Variants in INPP5D observed in about 807,000 individuals in gnomAD.
The protein encoded by INPP5D is phosphatidylinositol 3,4,5-trisphosphate 5-phosphatase 1.
In INPP5D, 33 loss-of-function variants were observed where a neutral mutation model predicts 122.9. The observed-to-expected ratio is 0.27, with a 90% CI of 0.20 to 0.36. INPP5D has a LOEUF of 0.36. INPP5D is among the 10% of genes least tolerant of loss of function. INPP5D has a pLI of 1.00. For missense variants in INPP5D, 1,053 were observed against 1,412.7 expected (o/e 0.75, Z 4.08); for synonymous variants, 584 against 576.2 (o/e 1.01, Z -0.19).
chr2:233,075,599 A>G (rs529162570), intron 1 of INPP5D, among the ~76,000 whole-genome samples: 41 of 150,956 alleles, frequency 2.7e-4, no homozygotes, highest in South Asian at 2.3e-3. Context: ...GCACATGTAT[A>G]TGTGTGTGTG....
At chr2:233,178,168 G>A (rs1307059171) in intron 18 of INPP5D, among the ~76,000 whole-genome samples, 7 of 152,072 alleles carry the variant, frequency 4.6e-5, no homozygotes, top group East Asian at 3.9e-4. Context: ...ACTGTGCCAC[G>A]TACCTATAGT....
intron 2 of INPP5D, among the ~76,000 whole-genome samples, chr2:233,093,136 CTT>C (rs1251801120): frequency 1.3e-5 from 2 of 152,204 alleles, no homozygotes; most frequent in Non-Finnish European, 2.9e-5. Flanking sequence ...GCATTCCTCT[CTT>C]GTCTAATCTT....
chr2:233,086,209 G>A (rs1044372336), intron 2 of INPP5D, among the ~76,000 whole-genome samples: 2 of 104,982 alleles, frequency 1.9e-5, no homozygotes, highest in East Asian at 2.7e-4. Flanking sequence ...ACAGAGTTTC[G>A]CTCTTGTTGC....
At chr2:233,130,350 G>T (rs1358406119) in intron 4 of INPP5D, among the ~76,000 whole-genome samples, 158 bp from the exon 5 acceptor site, 3 of 152,162 alleles carry the variant, frequency 2.0e-5, no homozygotes, top group African/African-American at 7.2e-5. Flanking sequence ...GTGAGACCAC[G>T]GGAACCTTCG....
intron 5 of INPP5D, among the ~76,000 whole-genome samples, chr2:233,139,455 ATT>A (rs1693586791): frequency 7.1e-6 from 1 of 140,470 alleles, no homozygotes; most frequent in Admixed American, 7.2e-5. Flanking sequence ...AGAAATTTGC[ATT>A]GTTAACACCT....
intron 2 of INPP5D, among the ~76,000 whole-genome samples, chr2:233,086,514 A>G (rs1691855878): frequency 6.6e-6 from 1 of 152,088 alleles, no homozygotes; most frequent in Admixed American, 6.6e-5. Flanking sequence ...AAGCTGCCAT[A>G]GGATGTGATA....
chr2:233,131,106 G>A (rs1471585428), intron 5 of INPP5D: 23 of 936,838 alleles, frequency 2.5e-5, no homozygotes, highest in Non-Finnish European at 2.8e-5. Flanking sequence ...ATTTTTCAAA[G>A]GGAGATGATT....
chr2:233,190,933 G>C (rs1437475634), intron 22 of INPP5D, among the ~76,000 whole-genome samples: 1 of 152,242 alleles, frequency 6.6e-6, no homozygotes, highest in Admixed American at 6.5e-5. Flanking sequence ...CAGTGATCAA[G>C]ACGACAGATG....
At chr2:233,079,534 A>ATGGACACCTG in intron 2 of INPP5D, 136 bp downstream of exon 2, 1 of 667,372 alleles carries the variant, frequency 1.5e-6, no homozygotes, top group Non-Finnish European at 2.7e-6. Flanking sequence ...GCTTCCTCCC[A>ATGGACACCTG]GGTGTCCATG....
At chr2:233,139,749 G>A (rs983424482) in intron 5 of INPP5D, 93 bp from the exon 6 acceptor site, 1 of 395,070 alleles carries the variant, frequency 2.5e-6, no homozygotes, top group Non-Finnish European at 4.5e-6. Flanking sequence ...TGGACTGAGG[G>A]TGCCCTCATC....
chr2:233,196,213 G>C (rs971992966), intron 24 of INPP5D, among the ~76,000 whole-genome samples: 2 of 152,190 alleles, frequency 1.3e-5, no homozygotes, highest in African/African-American at 4.8e-5. Flanking sequence ...CAGGACACAG[G>C]AGAAAGAAGC....
rs555522684 is a variant in INPP5D, at chr2:233,100,727, T to C, written c.198+21329T>C. On this transcript the variant is annotated intron_variant, in intron 2 of 26. Transcript: ENST00000445964. The surrounding 1 kb of genome is among the most constrained non-coding windows in gnomAD (Gnocchi z 5.3). Reference sequence around the variant, plus strand: ...TCAGAGCAGTGACTTTCAGTTCCTTTGCAGGTGTGACCTGTCTGCTCCTGT... The same window carrying C: ...TCAGAGCAGTGACTTTCAGTTCCTTCGCAGGTGTGACCTGTCTGCTCCTGT... 4.7e-4 allele frequency among the ~76,000 whole-genome samples: 72 copies of C among 152,344 alleles called. No homozygotes were observed. The highest frequency in any genetic ancestry group is 9.1e-4 in the Non-Finnish European group (62 of 68,032).
chr2:233,122,370 G>C, intron 3 of INPP5D, 113 bp downstream of exon 3: 1 of 1,158,964 alleles, frequency 8.6e-7, no homozygotes, highest in East Asian at 2.6e-5. Context: ...TTGTTGGCGT[G>C]GGGGTTAAGG....
intron 2 of INPP5D, among the ~76,000 whole-genome samples, chr2:233,104,957 A>G (rs984871578): frequency 6.6e-6 from 1 of 152,218 alleles, no homozygotes; most frequent in African/African-American, 2.4e-5. Context: ...CTGATCTCAC[A>G]GGAGCTGTGG....
intron 11 of INPP5D, among the ~76,000 whole-genome samples, chr2:233,162,252 A>G (rs145096292): frequency 0.018 from 1,254 of 69,994 alleles, 18 homozygotes; most frequent in African/African-American, 0.038. Flanking sequence ...AGACAGAGAG[A>G]TAGGTACGTA....
chr2:233,077,193 G>T (rs1412670624), intron 1 of INPP5D, among the ~76,000 whole-genome samples: 1 of 152,116 alleles, frequency 6.6e-6, no homozygotes, highest in Non-Finnish European at 1.5e-5. Context: ...CATCTAAAAA[G>T]ATATGCATAT....
intron 2 of INPP5D, among the ~76,000 whole-genome samples, chr2:233,107,983 G>C (rs1313340353): frequency 6.6e-6 from 1 of 152,164 alleles, no homozygotes; most frequent in Non-Finnish European, 1.5e-5. Context: ...GACCATGCCT[G>C]GGAGAGGCCA....
intron 3 of INPP5D, among the ~76,000 whole-genome samples, chr2:233,125,131 T>C (rs1360929567): frequency 6.6e-6 from 1 of 152,180 alleles, no homozygotes; most frequent in East Asian, 1.9e-4. Context: ...ATGGGTGGGC[T>C]CCCACCTCCC....
intron 2 of INPP5D, among the ~76,000 whole-genome samples, chr2:233,106,400 G>A (rs542058660): frequency 2.0e-5 from 3 of 152,334 alleles, no homozygotes; most frequent in African/African-American, 7.2e-5. Context: ...AGGGGCCCAG[G>A]AGGGCGAGTA....
Sources: allele counts gnomAD v4.1 joint callset (sites outside exome capture counted in the v4.1 genomes callset), GRCh38; gene constraint gnomAD v4.1.1; non-coding constraint Gnocchi (gnomAD v3.1); transcripts MANE v1.5; gene names NCBI Gene and HGNC (gene_info 2026-07-23, HGNC 2026-07-21).